Variants in NADK observed in about 807,000 individuals in gnomAD.
The protein encoded by NADK is poly(P)/ATP NAD kinase.
NADK carries 22 observed loss-of-function variants against 49.8 expected under a neutral mutation model. That is an observed-to-expected ratio of 0.44 (90% CI 0.32 to 0.63). The LOEUF (loss-of-function observed/expected upper bound fraction) is 0.63, where lower values mean the gene tolerates loss of function less well. NADK is among the 30% of genes least tolerant of loss of function. The probability of loss-of-function intolerance (pLI) is 0.06; values close to 1 mark genes in which losing one functional copy is unlikely to be tolerated. For missense variants in NADK, 438 were observed against 609.4 expected (o/e 0.72, Z 2.96); for synonymous variants, 268 against 253.7 (o/e 1.06, Z -0.54).
chr1:1,765,526 C>G, intron 1 of NADK, 80 bp from the exon 2 acceptor site: 1 of 703,536 alleles, frequency 1.4e-6, no homozygotes, highest in Non-Finnish European at 2.1e-6. Flanking sequence ...TACATATGTT[C>G]CATTTCATCA....
In NADK at chr1:1,765,445, G is replaced by A; in HGVS notation, c.-39C>T. ...GAACTTCGGTCAGAAAAACACTGAT[G>A]CCTTAATTTAATAAAATAAATAATG... On this transcript the variant is annotated splice_region_variant and 5_prime_UTR_variant, in exon 2 of 12. Transcript: ENST00000341426. 1.5e-6 allele frequency: 2 copies of A among 1,367,910 alleles called. No individual in the cohort carries two copies. The highest frequency in any genetic ancestry group is 2.9e-5 in the South Asian group (2 of 69,872). 84.7% of individuals were successfully genotyped at this position (1,367,910 alleles called of 1,614,324 possible). A position where few individuals can be genotyped will look rare whatever the true frequency, so the allele number is the denominator to read the frequency against.
intron 1 of NADK, among the ~76,000 whole-genome samples, chr1:1,769,535 A>G (rs552077153): frequency 1.3e-5 from 2 of 152,072 alleles, no homozygotes; most frequent in Admixed American, 6.5e-5. Flanking sequence ...TGGGCAACAG[A>G]GCGAGACTCC....
At chr1:1,776,496 C>T (rs760579484) in intron 1 of NADK, among the ~76,000 whole-genome samples, 8 of 152,326 alleles carry the variant, frequency 5.3e-5, no homozygotes, top group African/African-American at 1.7e-4. Flanking sequence ...CCAAGTGAGG[C>T]AAGCTGTGGT....
At chr1:1,771,262 G>T (rs769305235) in intron 1 of NADK, among the ~76,000 whole-genome samples, 3 of 151,822 alleles carry the variant, frequency 2.0e-5, no homozygotes, top group Non-Finnish European at 2.9e-5. Flanking sequence ...TAAATAAATG[G>T]AGAGACATAC....
At chr1:1,779,834 T>A (rs535324830), upstream of NADK, 31 of 152,500 alleles carry the variant, frequency 2.0e-4, no homozygotes, top group African/African-American at 7.5e-4. Context: ...GTCTATACTT[T>A]CTGTGTGATC....
At chr1:1,758,804 A>G (rs1273331128) in intron 3 of NADK, among the ~76,000 whole-genome samples, 1 of 152,158 alleles carries the variant, frequency 6.6e-6, no homozygotes, top group Non-Finnish European at 1.5e-5. Flanking sequence ...GCCGGGTGGG[A>G]CCAAGCCCTC....
In NADK at chr1:1,752,163, C is replaced by T. The variant is rs1023330242; in HGVS notation, c.*741G>A. ...CTTGAAATCTTCACAAAAGTGTGTACGAGAAAGTATGTACATCAGCACTTC... is the reference window on the plus strand; with the variant it reads ...CTTGAAATCTTCACAAAAGTGTGTATGAGAAAGTATGTACATCAGCACTTC... On this transcript the variant is annotated 3_prime_UTR_variant, in exon 12 of 12. Transcript: ENST00000341426. The T allele has an allele frequency of 3.3e-5, 5 of 152,506 alleles. No homozygotes were observed. The highest frequency in any genetic ancestry group is 1.3e-4 in the Admixed American group (2 of 15,278). The allele number at this position is 152,506 out of a possible 1,614,324, so 9.4% of individuals were successfully genotyped here.
intron 1 of NADK, among the ~76,000 whole-genome samples, chr1:1,767,998 C>T (rs1302701351): frequency 1.3e-5 from 2 of 151,930 alleles, no homozygotes; most frequent in East Asian, 3.9e-4. Context: ...CATAGTGAAA[C>T]TCTGTCCCTA....
chr1:1,756,327 G>C lies in NADK; in HGVS notation c.516C>G (p.Ser172=). 6.2e-7 allele frequency: 1 copy of C among 1,614,058 alleles called. No homozygotes were observed. Residue 172 remains serine, a synonymous_variant, in exon 6 of 12, where the codon TCC becomes TCG. Transcript: ENST00000341426. ...CTFREDYDDI[S]NQIDFIICLG... is the part of the protein sequence containing the mutation. The stretch of plus-strand genomic sequence containing the variant: ...GGCAGATGATGAAGTCTATCTGATT[G>C]GAAATGTCATCATAATCTAGGAAAC...
intron 2 of NADK, 72 bp downstream of exon 2, chr1:1,765,156 A>T (rs1223945874): frequency 8.4e-6 from 12 of 1,420,752 alleles, no homozygotes; most frequent in Non-Finnish European, 9.5e-6. Flanking sequence ...AGAATTCTTC[A>T]TAATCGTTTT....
chr1:1,754,480 C>G lies in NADK; in HGVS notation c.843+64G>C. ...CCAGCCGGGCTCTCCGGAAGGTCCT[C>G]ATCCCTGGGACCGAAGTCGCCCCAC... On this transcript the variant is annotated intron_variant, in intron 8 of 11. Coordinates refer to ENST00000341426, the MANE Select transcript of NADK (RefSeq NM_023018.5). This position sits in a 1 kb window ranked among gnomAD's most constrained non-coding sequence, Gnocchi z 4.3. 6.5e-7 allele frequency: 1 copy of G among 1,537,814 alleles called. No homozygotes were observed. The highest frequency in any genetic ancestry group is 8.9e-7 in the Non-Finnish European group (1 of 1,126,766).
chr1:1,774,172 T>A (rs181999090), intron 1 of NADK, among the ~76,000 whole-genome samples: 1 of 150,300 alleles, frequency 6.7e-6, no homozygotes, highest in Non-Finnish European at 1.5e-5. Flanking sequence ...TGTATATATA[T>A]ACACACACAC....
At chr1:1,772,902 GTGGTGGCGCATGCC>G (rs972385918) in intron 1 of NADK, among the ~76,000 whole-genome samples, 58 of 151,746 alleles carry the variant, frequency 3.8e-4, no homozygotes, top group Non-Finnish European at 6.2e-4. Flanking sequence ...TCAGCCCGGC[GTGGTGGCGCATGCC>G]TGTAATCCCA....
chr1:1,779,058 G>C (rs1289403600), upstream of NADK: 1 of 152,398 alleles, frequency 6.6e-6, no homozygotes, highest in Non-Finnish European at 1.5e-5. Context: ...GCGGCCCTGC[G>C]CCTGGGGGAA....
At position 1,754,475 on chromosome 1, in the gene NADK, G is replaced by C; in HGVS notation, c.843+69C>G. 28 of 1,599,664 alleles carry C rather than the reference G, an allele frequency of 1.8e-5. No homozygotes were observed. The highest frequency in any genetic ancestry group is 2.4e-5 in the Non-Finnish European group (28 of 1,170,550). ...CTCACCCAGCCGGGCTCTCCGGAAGGTCCTCATCCCTGGGACCGAAGTCGC... is the reference window on the plus strand; with the variant it reads ...CTCACCCAGCCGGGCTCTCCGGAAGCTCCTCATCCCTGGGACCGAAGTCGC... On this transcript the variant is annotated intron_variant, in intron 8 of 11. Transcript: ENST00000341426. This position sits in a 1 kb window ranked among gnomAD's most constrained non-coding sequence, Gnocchi z 4.3.
In NADK at chr1:1,752,822, TCA is replaced by T; in HGVS notation, c.*80_*81del. The stretch of plus-strand genomic sequence containing the variant: ...GTGGCCGTGCCACTGAGACAGGCGG[TCA>T]CAGACACACGCAGATTGGTCTGTCC... On this transcript the variant is annotated 3_prime_UTR_variant, in exon 12 of 12. Coordinates refer to ENST00000341426, the MANE Select transcript of NADK (RefSeq NM_023018.5). The T allele has an allele frequency of 6.7e-7, 1 of 1,496,050 alleles. No homozygotes were observed. The highest frequency in any genetic ancestry group is 9.1e-7 in the Non-Finnish European group (1 of 1,100,912). The allele number at this position is 1,496,050 out of a possible 1,614,324, so 92.7% of individuals were successfully genotyped here. A position where few individuals can be genotyped will look rare whatever the true frequency, so the allele number is the denominator to read the frequency against.
At chr1:1,776,591 C>T (rs894186716) in intron 1 of NADK, among the ~76,000 whole-genome samples, 3 of 151,944 alleles carry the variant, frequency 2.0e-5, no homozygotes, top group Non-Finnish European at 4.4e-5. Flanking sequence ...CTGGCCAACA[C>T]AGTGAAACCC....
At chr1:1,758,476 C>G in intron 3 of NADK, 1 of 1,612,426 alleles carries the variant, frequency 6.2e-7, no homozygotes, top group East Asian at 2.2e-5. Flanking sequence ...TGCTGGGAGC[C>G]GGCCAGTGTG....
upstream of NADK, chr1:1,780,047 GATC>G (rs1646324784): frequency 6.6e-6 from 1 of 152,214 alleles, no homozygotes; most frequent in Admixed American, 6.5e-5. Context: ...GGGAAGCAAG[GATC>G]ATGAGAACTT....
Sources: gnomAD v4.1 joint callset for allele counts (sites outside exome capture counted in the v4.1 genomes callset) on GRCh38, gnomAD v4.1.1 for gene constraint, Gnocchi (gnomAD v3.1) non-coding constraint, MANE v1.5 for transcripts, NCBI Gene and HGNC (gene_info 2026-07-23, HGNC 2026-07-21) for gene names.